Variants in TBC1D5 observed in about 807,000 individuals in gnomAD.
The protein encoded by TBC1D5 is TBC1 domain family, member 5.
TBC1D5 carries 75 observed loss-of-function variants against 100.3 expected under a neutral mutation model. That is an observed-to-expected ratio of 0.75 (90% CI 0.62 to 0.91). The LOEUF is 0.91. Ranked by LOEUF, TBC1D5 falls within the 40% of genes least tolerant of loss-of-function variation. The probability of loss-of-function intolerance (pLI) is 0.00; values close to 1 mark genes in which losing one functional copy is unlikely to be tolerated. For synonymous variants in TBC1D5, 323 were observed against 325.6 expected, an observed-to-expected ratio of 0.99 and a Z score of 0.09; for missense variants, 910 against 942.4, an observed-to-expected ratio of 0.97 and a Z score of 0.45.
intron 20 of TBC1D5, 37 bp downstream of exon 21, chr3:17,167,712 G>A (rs567898185): frequency 3.8e-5 from 60 of 1,583,800 alleles, no homozygotes; most frequent in African/African-American, 3.5e-4. Flanking sequence ...CGCGGCAGGC[G>A]GGACACAAAG....
At chr3:17,581,873 C>T (rs1407772613) in intron 2 of TBC1D5, among the ~76,000 whole-genome samples, 1 of 152,174 alleles carries the variant, frequency 6.6e-6, no homozygotes, top group Non-Finnish European at 1.5e-5. Context: ...TTGCTGCAGC[C>T]ACACTGACCT....
At chr3:17,372,112 A>T (rs1364752155) in exon 13 of TBC1D5, 2 of 1,613,634 alleles carry the variant, frequency 1.2e-6, no homozygotes, top group East Asian at 2.2e-5. Flanking sequence ...AGTCTGTTCA[A>T]GTGCATGTAA....
intron 15 of TBC1D5, among the ~76,000 whole-genome samples, chr3:17,280,361 G>A (rs1296902997): frequency 6.6e-6 from 1 of 152,144 alleles, no homozygotes; most frequent in African/African-American, 2.4e-5. Flanking sequence ...CCACCCTTGA[G>A]CCTGGAGCTG....
At chr3:17,726,966 A>G (rs1460865375) in intron 1 of TBC1D5, among the ~76,000 whole-genome samples, 1 of 152,238 alleles carries the variant, frequency 6.6e-6, no homozygotes, top group Admixed American at 6.5e-5. Context: ...TAACAGATCA[A>G]TCCTATTATA....
intron 1 of TBC1D5, among the ~76,000 whole-genome samples, chr3:17,650,654 T>A (rs1264550500): frequency 1.3e-5 from 2 of 152,256 alleles, no homozygotes; most frequent in Non-Finnish European, 2.9e-5. Context: ...TTTCACATAG[T>A]GGCTCTGTAT....
chr3:17,346,910 T>C (rs1043647264), intron 13 of TBC1D5, among the ~76,000 whole-genome samples: 1 of 152,186 alleles, frequency 6.6e-6, no homozygotes, highest in Non-Finnish European at 1.5e-5. Flanking sequence ...ATTCAATAGG[T>C]GTTCACTATT....
intron 2 of TBC1D5, among the ~76,000 whole-genome samples, chr3:17,612,249 A>C (rs2061725847): frequency 6.7e-6 from 1 of 150,340 alleles, no homozygotes; most frequent in African/African-American, 2.4e-5. Flanking sequence ...ACAGTATGCC[A>C]TGATTGTGCC....
At chr3:17,531,283 T>C (rs1315774504) in intron 2 of TBC1D5, among the ~76,000 whole-genome samples, 2 of 152,166 alleles carry the variant, frequency 1.3e-5, no homozygotes, top group African/African-American at 4.8e-5. Context: ...ACAAGGGATG[T>C]GAAGGACTTC....
At chr3:17,690,201 C>CTTTTTT (rs1560473193) in intron 1 of TBC1D5, among the ~76,000 whole-genome samples, 2 of 75,718 alleles carry the variant, frequency 2.6e-5, no homozygotes, top group African/African-American at 9.0e-5. Context: ...TAAAAATAGC[C>CTTTTTT]ATATTTTTTT....
intron 13 of TBC1D5, among the ~76,000 whole-genome samples, chr3:17,311,768 G>A (rs1007975438): frequency 1.3e-5 from 2 of 151,990 alleles, no homozygotes; most frequent in African/African-American, 4.8e-5. Flanking sequence ...AAGTAACGTA[G>A]AAACGTTACA....
At chr3:17,266,936 A>G (rs2149582359) in intron 15 of TBC1D5, among the ~76,000 whole-genome samples, 1 of 152,178 alleles carries the variant, frequency 6.6e-6, no homozygotes, top group East Asian at 1.9e-4. Context: ...AAAAAAAAGG[A>G]AGCAAAAACA....
intron 13 of TBC1D5, among the ~76,000 whole-genome samples, chr3:17,320,062 T>C (rs2085205408): frequency 6.6e-6 from 1 of 152,224 alleles, no homozygotes; most frequent in African/African-American, 2.4e-5. Context: ...ACATTTAGGT[T>C]CCTTTGTTAT....
intron 1 of TBC1D5, among the ~76,000 whole-genome samples, chr3:17,718,021 G>A (rs769124958): frequency 6.6e-6 from 1 of 151,980 alleles, no homozygotes; most frequent in Non-Finnish European, 1.5e-5. Context: ...CCTCTTCTCC[G>A]TACTGAAGTA....
intron 1 of TBC1D5, among the ~76,000 whole-genome samples, chr3:17,665,921 A>G (rs1464548614): frequency 1.3e-5 from 2 of 152,148 alleles, no homozygotes; most frequent in Non-Finnish European, 2.9e-5. Context: ...GTGACCCTTT[A>G]GACACTCCAG....
At chr3:17,718,148 A>ACCCT (rs1401917366) in intron 1 of TBC1D5, among the ~76,000 whole-genome samples, 2 of 152,172 alleles carry the variant, frequency 1.3e-5, no homozygotes, top group Non-Finnish European at 2.9e-5. Flanking sequence ...AACAGCCAGC[A>ACCCT]CCCTATTTAT....
chr3:17,264,895 T>C (rs1253988538), intron 15 of TBC1D5, among the ~76,000 whole-genome samples: 1 of 152,232 alleles, frequency 6.6e-6, no homozygotes, highest in Non-Finnish European at 1.5e-5. Flanking sequence ...GTCTGACAGT[T>C]TGACGACCTA....
chr3:17,591,860 A>C (rs530470346), intron 2 of TBC1D5, among the ~76,000 whole-genome samples: 41 of 152,372 alleles, frequency 2.7e-4, no homozygotes, highest in African/African-American at 9.6e-4. Flanking sequence ...GATTACTGCC[A>C]TCATCAAGGA....
chr3:17,439,225 T>C (rs927464662), intron 3 of TBC1D5, among the ~76,000 whole-genome samples: 13 of 152,270 alleles, frequency 8.5e-5, no homozygotes, highest in Middle Eastern at 3.4e-3. Context: ...AGTACATAAC[T>C]TTCAATGTTA....
At chr3:17,489,982 A>G (rs2095618205) in intron 3 of TBC1D5, among the ~76,000 whole-genome samples, 1 of 152,178 alleles carries the variant, frequency 6.6e-6, no homozygotes, top group African/African-American at 2.4e-5. Flanking sequence ...AACCATTCCT[A>G]CTTCTCCACA....
Sources: allele counts gnomAD v4.1 joint callset (sites outside exome capture counted in the v4.1 genomes callset), GRCh38; gene constraint gnomAD v4.1.1; transcripts MANE v1.5; gene names NCBI Gene and HGNC (gene_info 2026-07-23, HGNC 2026-07-21).